Variants in LAMA2 observed in about 807,000 individuals in gnomAD.
LAMA2 encodes laminin subunit alpha 2.
In LAMA2, 269 loss-of-function variants were observed where a neutral mutation model predicts 364.8. The observed-to-expected ratio is 0.74, with a 90% CI of 0.67 to 0.82. LAMA2 has a LOEUF of 0.82. Among genes scored for constraint, LAMA2 ranks in the 40% least tolerant of loss-of-function variants. LAMA2 has a pLI of 0.00. For missense variants in LAMA2, 3,807 were observed against 3,873.2 expected (o/e 0.98, Z 0.45); for synonymous variants, 1,379 against 1,370.6 (o/e 1.01, Z -0.14).
At chr6:128,974,906 C>A (rs1299018151) in intron 1 of LAMA2, among the ~76,000 whole-genome samples, 1 of 149,624 alleles carries the variant, frequency 6.7e-6, no homozygotes, top group Non-Finnish European at 1.5e-5. Flanking sequence ...GGCTGGAGTG[C>A]AGTGGCACGA....
At chr6:129,153,227 T>A (rs150160314) in intron 7 of LAMA2, among the ~76,000 whole-genome samples, 2 of 152,206 alleles carry the variant, frequency 1.3e-5, no homozygotes, top group Non-Finnish European at 2.9e-5. Context: ...CTAACTTCTT[T>A]ATAAGACATT....
At chr6:128,896,145 A>G (rs1384737084) in intron 1 of LAMA2, among the ~76,000 whole-genome samples, 2 of 152,160 alleles carry the variant, frequency 1.3e-5, no homozygotes, top group African/African-American at 4.8e-5. Context: ...GATTAAGTAG[A>G]CAAATTGTGC....
chr6:129,016,813 A>G (rs542701378), intron 1 of LAMA2, among the ~76,000 whole-genome samples: 1 of 151,878 alleles, frequency 6.6e-6, no homozygotes, highest in South Asian at 2.1e-4. Flanking sequence ...GTTTTTATTT[A>G]TTACAATAAG....
intron 3 of LAMA2, among the ~76,000 whole-genome samples, chr6:129,089,057 A>T (rs1458176689): frequency 6.6e-6 from 1 of 152,218 alleles, no homozygotes; most frequent in Non-Finnish European, 1.5e-5. Context: ...TCCGTCTGCA[A>T]TCTCGGCACC....
chr6:129,196,533 T>C (rs1781863997), intron 12 of LAMA2, among the ~76,000 whole-genome samples: 1 of 152,162 alleles, frequency 6.6e-6, no homozygotes. Flanking sequence ...CTTTACAAAA[T>C]AATTAAAAAC....
chr6:128,977,470 C>T (rs943809937), intron 1 of LAMA2, among the ~76,000 whole-genome samples: 7 of 152,088 alleles, frequency 4.6e-5, no homozygotes, highest in Admixed American at 2.6e-4. Flanking sequence ...ACTATGTTGC[C>T]CAGGCTGCTC....
At chr6:128,898,713 C>G (rs1188449661) in intron 1 of LAMA2, among the ~76,000 whole-genome samples, 1 of 152,194 alleles carries the variant, frequency 6.6e-6, no homozygotes, top group Non-Finnish European at 1.5e-5. Flanking sequence ...TAGATCTTTC[C>G]TCTGCTTAAA....
intron 22 of LAMA2, among the ~76,000 whole-genome samples, chr6:129,312,464 A>G (rs1321422216): frequency 6.6e-6 from 1 of 152,162 alleles, no homozygotes; most frequent in Non-Finnish European, 1.5e-5. Context: ...CCTCTACTAG[A>G]CCGTAAGGTA....
At position 129,407,148 on chromosome 6, in the gene LAMA2, T is replaced by G. The variant is rs554128334; in HGVS notation, c.5865+3189T>G. Among the ~76,000 whole-genome samples the G allele has an allele frequency of 7.2e-4, 109 of 152,304 alleles. 1 individual carries two copies. Among genetic ancestry groups the G allele is most frequent in the African/African-American group, 2.2e-3 (93 of 41,562 alleles). ...TGCCCACCCACATTGAGGGTGGGTC[T>G]GCCTCTTCCAGTCCAGTGACTCAAA... On this transcript the variant is annotated intron_variant, in intron 40 of 64. Transcript: ENST00000421865.
At chr6:129,475,525 C>T (rs941905600) in intron 53 of LAMA2, 124 bp downstream of exon 53, 32 of 676,250 alleles carry the variant, frequency 4.7e-5, no homozygotes, top group African/African-American at 3.3e-4. Context: ...GTATGTTTCA[C>T]GAGCAAGCCG....
chr6:129,076,501 A>T (rs1259529130), intron 3 of LAMA2, among the ~76,000 whole-genome samples: 6 of 11,616 alleles, frequency 5.2e-4, no homozygotes, highest in East Asian at 4.2e-3. Context: ...TTATATATAA[A>T]TATATATATA....
At chr6:129,041,695 T>G (rs1787109146) in intron 1 of LAMA2, among the ~76,000 whole-genome samples, 1 of 152,166 alleles carries the variant, frequency 6.6e-6, no homozygotes, top group Non-Finnish European at 1.5e-5. Flanking sequence ...GAACACTATG[T>G]ACTCGAAATC....
intron 1 of LAMA2, among the ~76,000 whole-genome samples, chr6:129,035,175 T>C (rs1489943728): frequency 6.6e-6 from 1 of 152,168 alleles, no homozygotes; most frequent in Non-Finnish European, 1.5e-5. Context: ...ATACTAGCTA[T>C]TCTAATTTGT....
At chr6:128,930,710 A>G (rs1438130174) in intron 1 of LAMA2, among the ~76,000 whole-genome samples, 1 of 152,178 alleles carries the variant, frequency 6.6e-6, no homozygotes, top group African/African-American at 2.4e-5. Context: ...TTTTCTACTC[A>G]AAGTCTCTTC....
intron 4 of LAMA2, among the ~76,000 whole-genome samples, chr6:129,114,524 A>G (rs1219256392): frequency 9.2e-5 from 14 of 152,084 alleles, no homozygotes; most frequent in Admixed American, 9.2e-4. Context: ...GAATACAAAT[A>G]AACTTTTGCT....
intron 15 of LAMA2, among the ~76,000 whole-genome samples, chr6:129,264,067 G>A (rs184903000): frequency 6.6e-6 from 1 of 152,064 alleles, no homozygotes; most frequent in Non-Finnish European, 1.5e-5. Flanking sequence ...TTTGAAGAAG[G>A]CATTATGGCT....
chr6:129,199,097 T>C (rs1782022912), intron 12 of LAMA2, among the ~76,000 whole-genome samples: 1 of 152,062 alleles, frequency 6.6e-6, no homozygotes, highest in Non-Finnish European at 1.5e-5. Context: ...GATGAAAATA[T>C]CCTAAATAAA....
intron 15 of LAMA2, among the ~76,000 whole-genome samples, chr6:129,263,948 T>G (rs1045061491): frequency 1.3e-5 from 2 of 152,034 alleles, no homozygotes; most frequent in African/African-American, 4.8e-5. Context: ...CTCAATATGT[T>G]GCACAGGCTG....
intron 3 of LAMA2, among the ~76,000 whole-genome samples, chr6:129,070,457 A>G (rs1401464210): frequency 2.0e-5 from 3 of 152,116 alleles, no homozygotes; most frequent in Non-Finnish European, 4.4e-5. Context: ...TTTACTCAAT[A>G]TATTTTTAGC....
Sources: gnomAD v4.1 joint callset for allele counts (sites outside exome capture counted in the v4.1 genomes callset) on GRCh38, gnomAD v4.1.1 for gene constraint, MANE v1.5 for transcripts, NCBI Gene and HGNC (gene_info 2026-07-23, HGNC 2026-07-21) for gene names.